Variants in SRCIN1 observed in about 807,000 individuals in gnomAD.
The protein encoded by SRCIN1 is P130Cas-associated protein.
A neutral mutation model predicts 116.2 loss-of-function variants in SRCIN1; 50 were observed. The observed-to-expected ratio is 0.43, with a 90% CI of 0.34 to 0.54. The LOEUF is 0.54. Ranked by LOEUF, SRCIN1 falls within the 20% of genes least tolerant of loss-of-function variation. SRCIN1 has a pLI of 0.02. For missense variants in SRCIN1, 1,446 were observed against 1,672.0 expected (o/e 0.86, Z 2.36); for synonymous variants, 736 against 750.0 (o/e 0.98, Z 0.30).
At chr17:38,593,603 T>G (rs1908559011) in intron 1 of SRCIN1, among the ~76,000 whole-genome samples, 1 of 152,100 alleles carries the variant, frequency 6.6e-6, no homozygotes, top group African/African-American at 2.4e-5. Flanking sequence ...AGGACAGTTG[T>G]GAGGATGAAA....
chr17:38,530,589 AAC>A lies in SRCIN1; in HGVS notation c.*2706_*2707del, dbSNP rs1383940677. On this transcript the variant is annotated 3_prime_UTR_variant, in exon 19 of 19. Transcript: ENST00000617146. The stretch of plus-strand genomic sequence containing the variant: ...GGAGCCAGTGGTGCAGGGATGATGG[AAC>A]ACACGCACACAGAGGCACACCCACA... 2.0e-5 allele frequency: 3 copies of A among 152,172 alleles called. No homozygotes were observed. The highest frequency in any genetic ancestry group is 2.0e-4 in the Admixed American group (3 of 15,258). The allele number at this position is 152,172 out of a possible 1,614,324, so 9.4% of individuals were successfully genotyped here. A position where few individuals can be genotyped will look rare whatever the true frequency, so the allele number is the denominator to read the frequency against.
intron 1 of SRCIN1, among the ~76,000 whole-genome samples, chr17:38,588,166 C>A (rs1908227666): frequency 6.6e-6 from 1 of 152,166 alleles, no homozygotes; most frequent in African/African-American, 2.4e-5. Flanking sequence ...GAGTCAGTTT[C>A]TTCTGATCTA....
rs757851130 is a variant in SRCIN1, at chr17:38,552,708, G to C, written c.2332+17C>G. ...CCACCCTGAACAACGTGCTGCATTC[G>C]CAGGCCCCAGACCCACCCTTGAGCT... On this transcript the variant is annotated intron_variant, in intron 12 of 18. Transcript: ENST00000617146. This position sits in a 1 kb window ranked among gnomAD's most constrained non-coding sequence, Gnocchi z 5.3. The C allele has an allele frequency of 5.0e-6, 8 of 1,612,926 alleles. No individual in the cohort carries two copies. The highest frequency in any genetic ancestry group is 2.2e-5 in the East Asian group (1 of 44,858).
At chr17:38,601,660 G>GCGCA (rs1446987354) in intron 1 of SRCIN1, among the ~76,000 whole-genome samples, 2 of 143,304 alleles carry the variant, frequency 1.4e-5, no homozygotes, top group Non-Finnish European at 3.1e-5. Flanking sequence ...ACACGCTCGC[G>GCGCA]CGCACACACA....
At chr17:38,594,934 T>G (rs1340593442) in intron 1 of SRCIN1, among the ~76,000 whole-genome samples, 1 of 152,136 alleles carries the variant, frequency 6.6e-6, no homozygotes, top group Non-Finnish European at 1.5e-5. Flanking sequence ...CCCTTAGCCA[T>G]CAAGGTCACT....
intron 7 of SRCIN1, 143 bp downstream of exon 7, chr17:38,561,320 G>A (rs768127737): frequency 7.1e-5 from 71 of 1,004,348 alleles, no homozygotes; most frequent in Middle Eastern, 3.4e-4. Flanking sequence ...ATGCTCTCTG[G>A]CGACCCTTCA....
At chr17:38,543,483 G>A (rs1160281457) in intron 18 of SRCIN1, among the ~76,000 whole-genome samples, 4 of 152,204 alleles carry the variant, frequency 2.6e-5, no homozygotes, top group South Asian at 2.1e-4. Context: ...GGACCCAGGC[G>A]TTGGGGCTGC....
intron 18 of SRCIN1, among the ~76,000 whole-genome samples, chr17:38,539,847 C>T (rs569348762): frequency 6.6e-6 from 1 of 151,886 alleles, no homozygotes; most frequent in South Asian, 2.1e-4. Context: ...ATGGTGAAAC[C>T]CCACCTCTAC....
intron 7 of SRCIN1, among the ~76,000 whole-genome samples, chr17:38,560,957 G>C (rs1385061237): frequency 6.6e-6 from 1 of 152,232 alleles, no homozygotes; most frequent in Non-Finnish European, 1.5e-5. Context: ...CTCCAGCCCT[G>C]CACCCTTAGG....
chr17:38,545,808 C>T lies in SRCIN1; in HGVS notation c.3271-1839G>A, dbSNP rs774943909. Among the ~76,000 whole-genome samples, 6 of 152,264 alleles carry T rather than the reference C, an allele frequency of 3.9e-5. 1 individual carries two copies. In the South Asian group the frequency reaches 6.2e-4, roughly 16 times the overall value. ...CAATGACTCGACACCAAGGTGGGGC[C>T]GGTGGAGGATGAAGTGAGCTCGCTG... On this transcript the variant is annotated intron_variant, in intron 17 of 18. Transcript: ENST00000617146.
rs935726527 is a variant in SRCIN1, at chr17:38,598,380, T to G, written c.22+7304A>C. On this transcript the variant is annotated intron_variant, in intron 1 of 18. Transcript: ENST00000617146. Reference sequence around the variant, plus strand: ...AGAGGCTGGTGTCTGGAGTGATGTCTGCTGCGTATGCAATTATCATGCATC... The same window carrying G: ...AGAGGCTGGTGTCTGGAGTGATGTCGGCTGCGTATGCAATTATCATGCATC... Among the ~76,000 whole-genome samples the G allele has an allele frequency of 5.9e-5, 9 of 152,156 alleles. No homozygotes were observed. The South Asian group carries it at 1.7e-3, about 28-fold the overall frequency.
In SRCIN1 at chr17:38,592,911, G is replaced by A. The variant is rs1449456422; in HGVS notation, c.22+12773C>T. Among the ~76,000 whole-genome samples the A allele has an allele frequency of 2.0e-5, 3 of 152,072 alleles. No individual in the cohort carries two copies. The East Asian group carries it at 5.8e-4, about 29-fold the overall frequency. ...GGAGCACAGGAAGTGAGGTAAGGAA[G>A]GGAGGGCTGCAGAGGCTGCAAGGCA... On this transcript the variant is annotated intron_variant, in intron 1 of 18. Transcript: ENST00000617146.
intron 11 of SRCIN1, among the ~76,000 whole-genome samples, chr17:38,556,687 CAGG>C (rs1905828671): frequency 6.6e-6 from 1 of 152,190 alleles, no homozygotes; most frequent in South Asian, 2.1e-4. Context: ...AGTCCCCTTT[CAGG>C]AGGATGGAGA....
intron 1 of SRCIN1, 119 bp from the exon 2 acceptor site, chr17:38,578,910 G>GC: frequency 8.3e-7 from 1 of 1,204,084 alleles, no homozygotes; most frequent in Non-Finnish European, 1.1e-6. Flanking sequence ...GTGGAGAGGC[G>GC]CCCGGGGAGA....
At chr17:38,588,639 G>A (rs1193890351) in intron 1 of SRCIN1, among the ~76,000 whole-genome samples, 2 of 152,198 alleles carry the variant, frequency 1.3e-5, no homozygotes, top group East Asian at 3.9e-4. Flanking sequence ...GCCCCTCTGT[G>A]TGTGAAAGGG....
At position 38,568,357 on chromosome 17, in the gene SRCIN1, C is replaced by G; in HGVS notation, c.325-126G>C. 1.1e-6 allele frequency: 1 copy of G among 883,192 alleles called. No homozygotes were observed. Among genetic ancestry groups the G allele is most frequent in the South Asian group, 1.4e-5 (1 of 70,056 alleles). 54.7% of individuals were successfully genotyped at this position (883,192 alleles called of 1,614,324 possible). A position where few individuals can be genotyped will look rare whatever the true frequency, so the allele number is the denominator to read the frequency against. ...CTAGGACAAGGGCCCTCCACCCTCC[C>G]AGGAGCAGGAATGAAGTCATGCCTG... On this transcript the variant is annotated intron_variant, in intron 2 of 18. Coordinates refer to ENST00000617146, the MANE Select transcript of SRCIN1 (RefSeq NM_025248.3). The surrounding 1 kb of genome is among the most constrained non-coding windows in gnomAD (Gnocchi z 4.5).
Position 38,560,395 on chromosome 17 carries a change from A to G in SRCIN1, c.1731T>C (p.Ile577=), listed in dbSNP as rs372566098. The G allele has an allele frequency of 1.3e-5, 21 of 1,612,126 alleles. No homozygotes were observed. The African/African-American group carries it at 2.0e-4, about 15-fold the overall frequency. ...RERMEAMEKQ[I]ASLTGLVQSA... is the part of the protein sequence containing the mutation. ...TCTGCACCAGGCCTGTGAGGCTGGCAATCTGCTTCTCCATGGCCTCCATGC... is the reference window on the plus strand; with the variant it reads ...TCTGCACCAGGCCTGTGAGGCTGGCGATCTGCTTCTCCATGGCCTCCATGC... Residue 577 remains isoleucine (I), a synonymous_variant, in exon 8 of 19, where the codon ATT becomes ATC. Coordinates refer to ENST00000617146, the MANE Select transcript of SRCIN1 (RefSeq NM_025248.3).
intron 18 of SRCIN1, among the ~76,000 whole-genome samples, chr17:38,536,956 C>T (rs886638808): frequency 9.9e-5 from 15 of 151,868 alleles, no homozygotes; most frequent in Non-Finnish European, 1.9e-4. Context: ...GCAGTCAGAT[C>T]ACTTGAGGCC....
rs1439499696 is a variant in SRCIN1 at position 38,533,232 on chromosome 17, G to A, written c.*65C>T. 73 of 1,495,660 alleles carry A rather than the reference G, an allele frequency of 4.9e-5. No individual in the cohort carries two copies. The highest frequency in any genetic ancestry group is 3.6e-6 in the Non-Finnish European group (4 of 1,120,680). 92.6% of individuals were successfully genotyped at this position (1,495,660 alleles called of 1,614,324 possible). On this transcript the variant is annotated 3_prime_UTR_variant, in exon 19 of 19. Coordinates refer to ENST00000617146, the MANE Select transcript of SRCIN1 (RefSeq NM_025248.3). ...AGGGTGGGGTGGGGTGGAGATGAAGGAAGAGAGGGGAGAAATGGCAGGAGT... is the reference window on the plus strand; with the variant it reads ...AGGGTGGGGTGGGGTGGAGATGAAGAAAGAGAGGGGAGAAATGGCAGGAGT...
Sources: allele counts gnomAD v4.1 joint callset (sites outside exome capture counted in the v4.1 genomes callset), GRCh38; gene constraint gnomAD v4.1.1; non-coding constraint Gnocchi (gnomAD v3.1); transcripts MANE v1.5; gene names NCBI Gene and HGNC (gene_info 2026-07-23, HGNC 2026-07-21).